Variants in ROBO2 observed in about 807,000 individuals in gnomAD.
ROBO2 encodes roundabout homolog 2.
In ROBO2, 53 loss-of-function variants were observed where a neutral mutation model predicts 160.8. The observed-to-expected ratio is 0.33, with a 90% CI of 0.26 to 0.41. The LOEUF (loss-of-function observed/expected upper bound fraction) is 0.41, where lower values mean the gene tolerates loss of function less well. Ranked by LOEUF, ROBO2 falls within the 10% of genes least tolerant of loss-of-function variation. The pLI is 1.00. For missense variants in ROBO2, 1,577 were observed against 1,722.4 expected (o/e 0.92, Z 1.49); for synonymous variants, 664 against 611.7 (o/e 1.09, Z -1.26).
At chr3:76,238,668 A>G (rs540897635) in intron 2 of ROBO2, among the ~76,000 whole-genome samples, 2 of 143,564 alleles carry the variant, frequency 1.4e-5, no homozygotes, top group African/African-American at 2.6e-5. Context: ...GAAGAACATG[A>G]GGAAAACCAC....
At chr3:76,870,743 C>G (rs529327964) in intron 2 of ROBO2, among the ~76,000 whole-genome samples, 1 of 152,042 alleles carries the variant, frequency 6.6e-6, no homozygotes, top group African/African-American at 2.4e-5. Context: ...GATTGGAGTT[C>G]CTTTTTATTT....
intron 21 of ROBO2, among the ~76,000 whole-genome samples, chr3:77,610,741 C>CA (rs71629658): frequency 0.39 from 7,805 of 19,790 alleles, 1,614 homozygotes; most frequent in South Asian, 0.52. Context: ...GGCCAAAGAC[C>CA]AAAAAAAAAA....
intron 2 of ROBO2, among the ~76,000 whole-genome samples, chr3:76,717,601 G>T (rs1451463797): frequency 2.0e-5 from 3 of 152,034 alleles, no homozygotes; most frequent in Non-Finnish European, 4.4e-5. Context: ...AGCTGAGTTT[G>T]GTGCTTCAGG....
At chr3:76,748,474 A>G (rs540335291) in intron 2 of ROBO2, among the ~76,000 whole-genome samples, 94 of 151,878 alleles carry the variant, frequency 6.2e-4, no homozygotes, top group African/African-American at 2.2e-3. Context: ...GTATATGTAT[A>G]TGTAATTCAT....
intron 2 of ROBO2, among the ~76,000 whole-genome samples, chr3:76,112,698 C>T (rs1202813413): frequency 9.3e-6 from 1 of 107,968 alleles, no homozygotes; most frequent in African/African-American, 5.3e-5. Flanking sequence ...TTATTCTTAG[C>T]CCAGAAGCAA....
rs2068568303 is a variant in ROBO2 at position 76,074,194 on chromosome 3, G to A, written c.109+136592G>A. ...TTTCATCAGATAATATGGCATCTCT[G>A]TGGCGCCTGTGTGGAAATGTGAAGC... On this transcript the variant is annotated intron_variant, in intron 2 of 26. Transcript: ENST00000487694. 2.0e-5 allele frequency among the ~76,000 whole-genome samples: 3 copies of A among 152,020 alleles called. No individual in the cohort carries two copies. In the South Asian group the frequency reaches 6.2e-4, roughly 32 times the overall value.
At chr3:77,640,989 CAAGAT>C (rs1444209383) in intron 24 of ROBO2, among the ~76,000 whole-genome samples, 2 of 152,108 alleles carry the variant, frequency 1.3e-5, no homozygotes, top group Non-Finnish European at 2.9e-5. Context: ...AAATCAATGA[CAAGAT>C]AAGTTATTTT....
intron 2 of ROBO2, among the ~76,000 whole-genome samples, chr3:77,323,903 T>C (rs1444617810): frequency 1.3e-5 from 2 of 152,316 alleles, no homozygotes; most frequent in African/African-American, 2.4e-5. Context: ...ATTCCAAACA[T>C]GTTTTTCTGA....
At chr3:77,280,574 T>G (rs1342684041) in intron 2 of ROBO2, among the ~76,000 whole-genome samples, 1 of 152,112 alleles carries the variant, frequency 6.6e-6, no homozygotes, top group Non-Finnish European at 1.5e-5. Flanking sequence ...CCTACAGACA[T>G]AAAAAATGAA....
At chr3:77,240,536 T>C (rs1172741293) in intron 2 of ROBO2, among the ~76,000 whole-genome samples, 1 of 152,160 alleles carries the variant, frequency 6.6e-6, no homozygotes, top group Admixed American at 6.5e-5. Flanking sequence ...GCTCCCACAC[T>C]GCAGCAGCGG....
At chr3:77,297,529 G>A (rs1199999947) in intron 2 of ROBO2, among the ~76,000 whole-genome samples, 2 of 152,106 alleles carry the variant, frequency 1.3e-5, no homozygotes, top group Non-Finnish European at 2.9e-5. Context: ...AACTCCCTCC[G>A]GAATGCTGGG....
intron 5 of ROBO2, among the ~76,000 whole-genome samples, chr3:77,517,888 G>A (rs1330237657): frequency 6.6e-6 from 1 of 151,382 alleles, no homozygotes; most frequent in African/African-American, 2.4e-5. Flanking sequence ...GTCTCGTGTA[G>A]TGTATTTGTA....
At chr3:76,291,606 C>T (rs927901925) in intron 2 of ROBO2, among the ~76,000 whole-genome samples, 11 of 151,824 alleles carry the variant, frequency 7.2e-5, no homozygotes, top group African/African-American at 1.9e-4. Flanking sequence ...CTTCTAGAGG[C>T]GATGTTAGGT....
chr3:77,568,454 G>C lies in ROBO2; in HGVS notation c.1971+20G>C. 6.2e-7 allele frequency: 1 copy of C among 1,612,294 alleles called. No individual in the cohort carries two copies. Among genetic ancestry groups the C allele is most frequent in the East Asian group, 2.2e-5 (1 of 44,796 alleles). ...TGGACGGTAAGCTTTCAAAGGCAAT[G>C]TTAATAGTAATCTCTTCTCTTTCGG... On this transcript the variant is annotated intron_variant, in intron 13 of 25. Transcript: ENST00000461745.
chr3:76,925,216 A>AT, intron 2 of ROBO2, among the ~76,000 whole-genome samples: 1 of 136,434 alleles, frequency 7.3e-6, no homozygotes, highest in Admixed American at 7.2e-5. Context: ...GTCTCAAAAA[A>AT]AAAAAAAAAA....
intron 2 of ROBO2, among the ~76,000 whole-genome samples, chr3:76,687,493 A>G (rs2092710503): frequency 6.6e-6 from 1 of 152,126 alleles, no homozygotes; most frequent in Admixed American, 6.6e-5. Context: ...ATGATCAAAA[A>G]GAAAGATTTT....
chr3:76,481,088 T>C (rs2079182602), intron 2 of ROBO2, among the ~76,000 whole-genome samples: 1 of 152,180 alleles, frequency 6.6e-6, no homozygotes, highest in Non-Finnish European at 1.5e-5. Context: ...ATAGGAGATA[T>C]GAGCAAGGAA....
intron 2 of ROBO2, among the ~76,000 whole-genome samples, chr3:77,385,238 C>T (rs369044064): frequency 6.6e-6 from 1 of 152,126 alleles, no homozygotes; most frequent in Admixed American, 6.6e-5. Flanking sequence ...ATTATGTTGG[C>T]CAGGCTGGTC....
chr3:76,723,709 G>A (rs1007453338), intron 2 of ROBO2, among the ~76,000 whole-genome samples: 3 of 152,188 alleles, frequency 2.0e-5, no homozygotes, highest in Non-Finnish European at 4.4e-5. Flanking sequence ...TTTGGTGACT[G>A]GTGGACACAC....
Sources: gnomAD v4.1 joint callset for allele counts (sites outside exome capture counted in the v4.1 genomes callset) on GRCh38, gnomAD v4.1.1 for gene constraint, MANE v1.5 for transcripts, NCBI Gene and HGNC (gene_info 2026-07-23, HGNC 2026-07-21) for gene names.